The following CNTNAP2 variants were observed in gnomAD, a reference collection of about 807,000 sequenced individuals.
The protein encoded by CNTNAP2 is contactin associated protein 2.
A neutral mutation model predicts 155.2 loss-of-function variants in CNTNAP2; 98 were observed. That is an observed-to-expected ratio of 0.63 (90% confidence interval 0.54 to 0.75). CNTNAP2 has a LOEUF of 0.75. CNTNAP2 is among the 30% of genes least tolerant of loss of function. The pLI is 0.00. For missense variants in CNTNAP2, 1,727 were observed against 1,688.1 expected (o/e 1.02, Z -0.40); for synonymous variants, 651 against 631.2 (o/e 1.03, Z -0.47).
At chr7:147,602,799 C>T (rs1035936854) in intron 12 of CNTNAP2, among the ~76,000 whole-genome samples, 9 of 152,010 alleles carry the variant, frequency 5.9e-5, no homozygotes, top group African/African-American at 7.2e-5. Flanking sequence ...TTCATCCATG[C>T]CCCTACAAAG....
At position 148,387,956 on chromosome 7, in the gene CNTNAP2, C is replaced by G. The variant is rs537748805; in HGVS notation, c.3715+4068C>G. On this transcript the variant is annotated intron_variant, in intron 22 of 23. Coordinates refer to ENST00000361727, the MANE Select transcript of CNTNAP2 (RefSeq NM_014141.6). ...TTCTGGTCATCCTCACTGCTACACT[C>G]CCATCAGCACCATGACAGCTTATAA... 3.5e-4 allele frequency among the ~76,000 whole-genome samples: 53 copies of G among 152,164 alleles called. No homozygotes were observed. In the South Asian group the frequency reaches 0.01, roughly 29 times the overall value.
chr7:148,351,769 G>C (rs6464872), intron 21 of CNTNAP2, among the ~76,000 whole-genome samples: 82,757 of 134,642 alleles, frequency 0.61, 26,770 homozygotes, highest in East Asian at 0.95. Context: ...AATAGAAACC[G>C]AGACTCACAG....
intron 9 of CNTNAP2, among the ~76,000 whole-genome samples, chr7:147,368,394 C>A (rs982734002): frequency 6.6e-6 from 1 of 152,028 alleles, no homozygotes; most frequent in Admixed American, 6.6e-5. Context: ...TGTCTCCCTG[C>A]AAACAGTGGC....
chr7:146,732,780 C>G (rs1352821829), intron 1 of CNTNAP2, among the ~76,000 whole-genome samples: 1 of 152,112 alleles, frequency 6.6e-6, no homozygotes, highest in Non-Finnish European at 1.5e-5. Context: ...ATAACCTGCA[C>G]ACATCTTCCT....
intron 3 of CNTNAP2, among the ~76,000 whole-genome samples, chr7:146,935,262 A>G (rs769651079): frequency 1.3e-5 from 2 of 152,200 alleles, no homozygotes; most frequent in Non-Finnish European, 2.9e-5. Flanking sequence ...GCCTCTATGA[A>G]CAATAGAAAT....
chr7:147,367,943 C>G (rs1236845298), intron 9 of CNTNAP2, among the ~76,000 whole-genome samples: 1 of 151,856 alleles, frequency 6.6e-6, no homozygotes, highest in Non-Finnish European at 1.5e-5. Flanking sequence ...CATGGTTGAT[C>G]TCACATAGCC....
intron 1 of CNTNAP2, among the ~76,000 whole-genome samples, chr7:146,756,189 C>G (rs867579552): frequency 3.3e-5 from 5 of 151,922 alleles, no homozygotes; most frequent in South Asian, 2.1e-4. Context: ...TTTGCACATA[C>G]CTTATAGTGT....
At chr7:148,386,504 TCAAAA>T (rs1230929433) in intron 22 of CNTNAP2, among the ~76,000 whole-genome samples, 2 of 151,290 alleles carry the variant, frequency 1.3e-5, no homozygotes, top group East Asian at 1.9e-4. Flanking sequence ...AGACTCTGTC[TCAAAA>T]CAAAACAAAA....
chr7:148,242,329 G>A (rs1411160794), intron 20 of CNTNAP2, among the ~76,000 whole-genome samples: 1 of 152,300 alleles, frequency 6.6e-6, no homozygotes, highest in East Asian at 1.9e-4. Context: ...CTCAACATGC[G>A]GTTTGAGGTT....
At chr7:146,691,883 A>G (rs1190593199) in intron 1 of CNTNAP2, among the ~76,000 whole-genome samples, 1 of 152,140 alleles carries the variant, frequency 6.6e-6, no homozygotes, top group Non-Finnish European at 1.5e-5. Context: ...GACTACTTTG[A>G]ACAATGGAAA....
intron 9 of CNTNAP2, among the ~76,000 whole-genome samples, chr7:147,395,171 G>A (rs1796792143): frequency 6.6e-6 from 1 of 151,792 alleles, no homozygotes; most frequent in Admixed American, 6.6e-5. Context: ...CAGGCAATAG[G>A]GAATTAAGAA....
chr7:146,694,600 A>C (rs1563191796), intron 1 of CNTNAP2, among the ~76,000 whole-genome samples: 1 of 152,112 alleles, frequency 6.6e-6, no homozygotes, highest in Non-Finnish European at 1.5e-5. Flanking sequence ...TTTCCAGATA[A>C]ACTTTAGAAT....
At chr7:146,715,940 T>G (rs553580439) in intron 1 of CNTNAP2, among the ~76,000 whole-genome samples, 5 of 152,200 alleles carry the variant, frequency 3.3e-5, no homozygotes, top group African/African-American at 1.2e-4. Flanking sequence ...TAATAATGCC[T>G]AAGTCACAGT....
At chr7:147,116,670 G>A (rs777142889) in intron 5 of CNTNAP2, among the ~76,000 whole-genome samples, 1 of 150,872 alleles carries the variant, frequency 6.6e-6, no homozygotes, top group African/African-American at 2.4e-5. Context: ...GCTGTGGAAT[G>A]ACTGAATTGT....
At chr7:146,558,565 C>A (rs772562282) in intron 1 of CNTNAP2, among the ~76,000 whole-genome samples, 4 of 151,988 alleles carry the variant, frequency 2.6e-5, no homozygotes, top group Non-Finnish European at 5.9e-5. Context: ...TTTCCTTCTT[C>A]CTTTTTATTT....
intron 12 of CNTNAP2, among the ~76,000 whole-genome samples, chr7:147,593,969 G>C (rs538831955): frequency 6.6e-6 from 1 of 152,264 alleles, no homozygotes; most frequent in South Asian, 2.1e-4. Context: ...TCACGAAGTA[G>C]GCAGGCACTG....
intron 1 of CNTNAP2, among the ~76,000 whole-genome samples, chr7:146,373,063 T>C (rs138917121): frequency 2.6e-4 from 40 of 152,306 alleles, no homozygotes; most frequent in African/African-American, 9.6e-4. Context: ...AAAGTCAGCA[T>C]GCTGAATGGT....
intron 1 of CNTNAP2, among the ~76,000 whole-genome samples, chr7:146,744,587 G>A (rs1389194667): frequency 2.0e-5 from 3 of 152,164 alleles, no homozygotes; most frequent in Middle Eastern, 3.2e-3. Context: ...CTTGAAAATG[G>A]AGTTGTTAAG....
At chr7:147,449,505 T>C (rs1051761878) in intron 10 of CNTNAP2, among the ~76,000 whole-genome samples, 2 of 152,174 alleles carry the variant, frequency 1.3e-5, no homozygotes, top group Admixed American at 6.5e-5. Context: ...GACGATAAGA[T>C]ATTATCCAGC....
Sources: allele counts gnomAD v4.1 joint callset (sites outside exome capture counted in the v4.1 genomes callset), GRCh38; gene constraint gnomAD v4.1.1; transcripts MANE v1.5; gene names NCBI Gene and HGNC (gene_info 2026-07-23, HGNC 2026-07-21).